Variants in PRDM2 observed in about 807,000 individuals in gnomAD.
PRDM2 encodes the protein PR/SET domain 2, also known as PR domain zinc finger protein 2.
PRDM2 carries 30 observed loss-of-function variants against 130.0 expected under a neutral mutation model. That is an observed-to-expected ratio of 0.23 (90% confidence interval 0.17 to 0.31). The LOEUF (loss-of-function observed/expected upper bound fraction) is 0.31. PRDM2 is among the 10% of genes least tolerant of loss of function. PRDM2 has a pLI of 1.00. For synonymous variants in PRDM2, 871 were observed against 782.4 expected, an observed-to-expected ratio of 1.11 and a Z score of -1.89; for missense variants, 2,011 against 2,108.4, an observed-to-expected ratio of 0.95 and a Z score of 0.90.
intron 6 of PRDM2, among the ~76,000 whole-genome samples, chr1:13,768,631 G>T (rs1644289598): frequency 6.6e-6 from 1 of 151,128 alleles, no homozygotes; most frequent in Non-Finnish European, 1.5e-5. Flanking sequence ...TGATCCACCT[G>T]CCTCGGCCTC....
chr1:13,710,072 TC>T (rs1221277828), intron 1 of PRDM2, among the ~76,000 whole-genome samples: 2 of 152,252 alleles, frequency 1.3e-5, no homozygotes, highest in African/African-American at 4.8e-5. Flanking sequence ...AAATCTGTTC[TC>T]CTACTTTGCC....
chr1:13,731,750 C>T (rs1643118429), intron 3 of PRDM2, among the ~76,000 whole-genome samples: 1 of 152,160 alleles, frequency 6.6e-6, no homozygotes, highest in Non-Finnish European at 1.5e-5. Context: ...AGTCAAAATA[C>T]AGTCTTGGAA....
chr1:13,796,488 G>A (rs1644924299), intron 8 of PRDM2, among the ~76,000 whole-genome samples: 1 of 152,232 alleles, frequency 6.6e-6, no homozygotes, highest in South Asian at 2.1e-4. Context: ...AGATGCGGTG[G>A]CTCACACCTG....
chr1:13,736,838 A>AAT (rs1643287971), intron 4 of PRDM2, among the ~76,000 whole-genome samples: 1 of 152,150 alleles, frequency 6.6e-6, no homozygotes, highest in South Asian at 2.1e-4. Flanking sequence ...TGCTTCTATT[A>AAT]ATATTTACAT....
At chr1:13,784,029 A>G (rs998797369) in intron 8 of PRDM2, among the ~76,000 whole-genome samples, 1 of 152,252 alleles carries the variant, frequency 6.6e-6, no homozygotes, top group Non-Finnish European at 1.5e-5. Context: ...AGCTAAAGAT[A>G]GAGAAGAATC....
At chr1:13,725,988 C>T (rs555888769) in intron 2 of PRDM2, among the ~76,000 whole-genome samples, 10 of 152,204 alleles carry the variant, frequency 6.6e-5, no homozygotes, top group Non-Finnish European at 1.2e-4. Context: ...AATCCAGACC[C>T]TGAAGCGAGA....
intron 8 of PRDM2, among the ~76,000 whole-genome samples, chr1:13,805,536 C>A (rs1456587833): frequency 6.6e-6 from 1 of 152,032 alleles, no homozygotes; most frequent in Admixed American, 6.5e-5. Flanking sequence ...TCCCACAGCT[C>A]CCACCTGTGG....
At chr1:13,755,617 G>C (rs1643930473) in intron 6 of PRDM2, among the ~76,000 whole-genome samples, 1 of 151,742 alleles carries the variant, frequency 6.6e-6, no homozygotes, top group Admixed American at 6.6e-5. Flanking sequence ...ATGAACACTA[G>C]GTTATTTTTC....
At chr1:13,718,471 G>C (rs184058056) in intron 2 of PRDM2, among the ~76,000 whole-genome samples, 1 of 152,140 alleles carries the variant, frequency 6.6e-6, no homozygotes, top group Non-Finnish European at 1.5e-5. Context: ...CTATTGAGGC[G>C]GCATTCTGGA....
At chr1:13,704,731 T>C (rs1425483182) in intron 1 of PRDM2, 1 of 152,212 alleles carries the variant, frequency 6.6e-6, no homozygotes, top group Non-Finnish European at 1.5e-5. Flanking sequence ...CCGTGGCACT[T>C]TCACATAATT....
chr1:13,746,853 G>T (rs564179704), intron 5 of PRDM2, among the ~76,000 whole-genome samples: 2 of 152,300 alleles, frequency 1.3e-5, no homozygotes, highest in African/African-American at 4.8e-5. Context: ...CACTATGCCC[G>T]CTAATAATTT....
At chr1:13,732,617 T>C (rs751868724) in intron 3 of PRDM2, among the ~76,000 whole-genome samples, 162 bp from the exon 4 acceptor site, 2 of 152,228 alleles carry the variant, frequency 1.3e-5, no homozygotes, top group Admixed American at 6.5e-5. Flanking sequence ...AAATCCCCAT[T>C]GAGGACTTGA....
Position 13,779,888 on chromosome 1 carries a change from A to G in PRDM2, c.2093A>G (p.Gln698Arg). Residue 698 changes from glutamine to arginine, a missense_variant, in exon 8 of 10, where the codon CAA becomes CGA. Transcript: ENST00000311066. The surrounding 1 kb of genome is among the most constrained non-coding windows in gnomAD (Gnocchi z 4.9). ...AAGCTCAAACAACTTCTTCAAACCC[A>G]AGATAAACTAACTCCTGCAGGGATT... is the stretch of plus-strand genomic sequence containing the variant. ...SSKLKQLLQT[Q>R]DKLTPAGISA... The G allele has an allele frequency of 6.3e-7, 1 of 1,582,912 alleles. No homozygotes were observed. Among genetic ancestry groups the G allele is most frequent in the Admixed American group, 1.8e-5 (1 of 55,328 alleles).
intron 4 of PRDM2, among the ~76,000 whole-genome samples, chr1:13,739,949 G>A (rs938091188): frequency 5.3e-5 from 8 of 152,216 alleles, no homozygotes; most frequent in Admixed American, 3.9e-4. Context: ...TATTAACTAA[G>A]TTTAGTATTA....
Position 13,741,557 on chromosome 1 carries a change from C to G in PRDM2, c.232-448C>G, listed in dbSNP as rs565421379. Among the ~76,000 whole-genome samples the G allele has an allele frequency of 2.0e-5, 3 of 152,310 alleles. No homozygotes were observed. In the East Asian group the frequency reaches 5.8e-4, roughly 29 times the overall value. On this transcript the variant is annotated intron_variant, in intron 4 of 9. Transcript: ENST00000311066. The stretch of plus-strand genomic sequence containing the variant: ...AGGGCCAGGTGCCATACTCGATTAG[C>G]AGAGCAACCCAGAAAGCTTGGGATT...
chr1:13,769,205 C>A, intron 6 of PRDM2: 1 of 957,108 alleles, frequency 1.0e-6, no homozygotes, highest in Non-Finnish European at 1.2e-6. Context: ...CCAGGCCTCC[C>A]AGCGGCTCCT....
chr1:13,765,803 T>C (rs1282475432), intron 6 of PRDM2, among the ~76,000 whole-genome samples: 3 of 152,212 alleles, frequency 2.0e-5, no homozygotes, highest in Non-Finnish European at 4.4e-5. Context: ...TTTGCCATTA[T>C]CCATCGATTC....
chr1:13,765,686 C>T (rs181195192), intron 6 of PRDM2, among the ~76,000 whole-genome samples: 3 of 152,226 alleles, frequency 2.0e-5, no homozygotes, highest in Admixed American at 1.3e-4. Flanking sequence ...AGTCTGGTCT[C>T]GAGCTCCTGA....
At chr1:13,802,610 T>G (rs1424409801) in intron 8 of PRDM2, among the ~76,000 whole-genome samples, 1 of 152,216 alleles carries the variant, frequency 6.6e-6, no homozygotes, top group African/African-American at 2.4e-5. Flanking sequence ...CTTTGACTTC[T>G]TTGACCTAGA....
Sources: allele counts gnomAD v4.1 joint callset (sites outside exome capture counted in the v4.1 genomes callset), GRCh38; gene constraint gnomAD v4.1.1; non-coding constraint Gnocchi (gnomAD v3.1); transcripts MANE v1.5; gene names NCBI Gene and HGNC (gene_info 2026-07-23, HGNC 2026-07-21).